Variants in UBE2E2 observed in about 807,000 individuals in gnomAD.
UBE2E2 encodes the protein ubiquitin-conjugating enzyme E2 E2.
In UBE2E2, 6 loss-of-function variants were observed where a neutral mutation model predicts 24.7. The ratio of observed to expected loss-of-function variants is 0.24; its 90% CI spans 0.13 to 0.48. UBE2E2 has a LOEUF of 0.48. UBE2E2 is among the 20% of genes least tolerant of loss of function. The pLI, the probability that UBE2E2 is intolerant of heterozygous loss-of-function variation, is 0.99. For synonymous variants in UBE2E2, 104 were observed against 83.6 expected, an observed-to-expected ratio of 1.24 and a Z score of -1.33; for missense variants, 169 against 245.0, an observed-to-expected ratio of 0.69 and a Z score of 2.07.
At chr3:23,558,011 C>A (rs996859964) in intron 5 of UBE2E2, among the ~76,000 whole-genome samples, 3 of 152,254 alleles carry the variant, frequency 2.0e-5, no homozygotes, top group African/African-American at 4.8e-5. Context: ...TGTCTTACTG[C>A]GTTTCTCATT....
chr3:23,464,459 C>G (rs964393305), intron 3 of UBE2E2, among the ~76,000 whole-genome samples: 1 of 151,990 alleles, frequency 6.6e-6, no homozygotes, highest in Non-Finnish European at 1.5e-5. Flanking sequence ...CTTCCAAATA[C>G]AGGATACTAT....
In UBE2E2 at chr3:23,268,386, A is replaced by C. The variant is rs963223614; in HGVS notation, c.227+51074A>C. On this transcript the variant is annotated intron_variant, in intron 3 of 5. Transcript: ENST00000396703. ...CAGGATACAAAATCAATGTACAAAA[A>C]TCACAAGCATTCTTATACACCAGTA... Among the ~76,000 whole-genome samples the C allele has an allele frequency of 3.3e-5, 5 of 152,076 alleles. 1 individual carries two copies. Among genetic ancestry groups the C allele is most frequent in the African/African-American group, 7.3e-5 (3 of 41,378 alleles).
At chr3:23,535,867 C>T (rs1034604182) in intron 5 of UBE2E2, among the ~76,000 whole-genome samples, 5 of 152,070 alleles carry the variant, frequency 3.3e-5, no homozygotes, top group African/African-American at 7.2e-5. Context: ...GTGATCCGCC[C>T]GCCTCGGCCT....
At chr3:23,284,705 G>A (rs1161070750) in intron 3 of UBE2E2, among the ~76,000 whole-genome samples, 1 of 151,530 alleles carries the variant, frequency 6.6e-6, no homozygotes, top group Non-Finnish European at 1.5e-5. Context: ...TACATAGTAG[G>A]TGGTGATTAT....
chr3:23,375,798 G>A (rs1396455595), intron 3 of UBE2E2, among the ~76,000 whole-genome samples: 1 of 152,140 alleles, frequency 6.6e-6, no homozygotes, highest in Non-Finnish European at 1.5e-5. Context: ...CCCTTAACAA[G>A]TGCAGATACA....
At chr3:23,330,069 GGC>G in intron 3 of UBE2E2, among the ~76,000 whole-genome samples, 1 of 152,290 alleles carries the variant, frequency 6.6e-6, no homozygotes, top group East Asian at 1.9e-4. Context: ...TAGTACAGTA[GGC>G]ATGGGATAAA....
intron 3 of UBE2E2, among the ~76,000 whole-genome samples, chr3:23,420,714 G>C (rs1218438448): frequency 6.6e-6 from 1 of 152,146 alleles, no homozygotes; most frequent in African/African-American, 2.4e-5. Context: ...GTTGAATCAT[G>C]ATATGTTTTT....
At chr3:23,273,365 A>G (rs774567351) in intron 3 of UBE2E2, among the ~76,000 whole-genome samples, 23 of 152,102 alleles carry the variant, frequency 1.5e-4, no homozygotes, top group Non-Finnish European at 3.1e-4. Flanking sequence ...GTCTCTACTA[A>G]AAATACAAAA....
chr3:23,575,788 A>G (rs942715361), intron 5 of UBE2E2, among the ~76,000 whole-genome samples: 3 of 152,164 alleles, frequency 2.0e-5, no homozygotes, highest in African/African-American at 7.2e-5. Flanking sequence ...GTCCTCAAAG[A>G]TTTATACAAG....
chr3:23,300,669 G>T (rs1458114402), intron 3 of UBE2E2, among the ~76,000 whole-genome samples: 2 of 152,276 alleles, frequency 1.3e-5, no homozygotes, highest in African/African-American at 4.8e-5. Flanking sequence ...AGTCTGATGG[G>T]CTTCCCTTTG....
chr3:23,510,666 T>G (rs1243163592), intron 4 of UBE2E2, among the ~76,000 whole-genome samples: 1 of 152,130 alleles, frequency 6.6e-6, no homozygotes, highest in Non-Finnish European at 1.5e-5. Flanking sequence ...TCATACTGAT[T>G]CATATAAGCA....
At chr3:23,350,406 GAGA>G (rs1234876999) in intron 3 of UBE2E2, among the ~76,000 whole-genome samples, 2 of 152,234 alleles carry the variant, frequency 1.3e-5, no homozygotes, top group Non-Finnish European at 2.9e-5. Flanking sequence ...GATGAGTTGA[GAGA>G]AGAAGGCTTC....
At chr3:23,376,170 A>G (rs1696516514) in intron 3 of UBE2E2, among the ~76,000 whole-genome samples, 1 of 152,190 alleles carries the variant, frequency 6.6e-6, no homozygotes, top group Non-Finnish European at 1.5e-5. Context: ...TCCATTGAGT[A>G]GATTTCAGGT....
At chr3:23,275,540 C>T (rs915210115) in intron 3 of UBE2E2, among the ~76,000 whole-genome samples, 2 of 151,856 alleles carry the variant, frequency 1.3e-5, no homozygotes, top group African/African-American at 2.4e-5. Context: ...AGGGAGGACC[C>T]GTAAGATGAT....
chr3:23,521,406 G>A (rs1694864144), intron 4 of UBE2E2, among the ~76,000 whole-genome samples: 1 of 152,142 alleles, frequency 6.6e-6, no homozygotes, highest in African/African-American at 2.4e-5. Context: ...ATTAATTGTT[G>A]TTATGTATGA....
At chr3:23,488,682 G>A (rs1001608693) in intron 3 of UBE2E2, among the ~76,000 whole-genome samples, 3 of 152,230 alleles carry the variant, frequency 2.0e-5, no homozygotes, top group Non-Finnish European at 4.4e-5. Flanking sequence ...CCTGAAAACT[G>A]TGTAGGGGCA....
rs544040475 is a variant in UBE2E2, at chr3:23,355,138, C to G, written c.227+137826C>G. 8.0e-5 allele frequency among the ~76,000 whole-genome samples: 12 copies of G among 149,910 alleles called. No homozygotes were observed. The East Asian group carries it at 2.0e-3, about 25-fold the overall frequency. ...GTAAACTATCACAAGGACAGAAAAA[C>G]AAACACCTCATGTTCTCACTCATAG... On this transcript the variant is annotated intron_variant, in intron 3 of 5. Transcript: ENST00000396703.
chr3:23,368,381 T>A (rs1696314741), intron 3 of UBE2E2, among the ~76,000 whole-genome samples: 1 of 152,172 alleles, frequency 6.6e-6, no homozygotes, highest in African/African-American at 2.4e-5. Context: ...ATCACCTGAC[T>A]TCATGGATAA....
chr3:23,375,985 A>G (rs1278127977), intron 3 of UBE2E2, among the ~76,000 whole-genome samples: 2 of 152,218 alleles, frequency 1.3e-5, no homozygotes, highest in African/African-American at 4.8e-5. Context: ...TCAGTAATAT[A>G]CAAGTATAAT....
Sources: gnomAD v4.1 joint callset for allele counts (sites outside exome capture counted in the v4.1 genomes callset) on GRCh38, gnomAD v4.1.1 for gene constraint, MANE v1.5 for transcripts, NCBI Gene and HGNC (gene_info 2026-07-23, HGNC 2026-07-21) for gene names.